Variants in GGA2 observed in about 807,000 individuals in gnomAD.
The protein encoded by GGA2 is golgi associated, gamma adaptin ear containing, ARF binding protein 2.
In GGA2, 48 loss-of-function variants were observed where a neutral mutation model predicts 79.5. That is an observed-to-expected ratio of 0.60 (90% CI 0.48 to 0.77). The LOEUF (loss-of-function observed/expected upper bound fraction) is 0.77, where lower values mean the gene tolerates loss of function less well. Ranked by LOEUF, GGA2 falls within the 30% of genes least tolerant of loss-of-function variation. The pLI is 0.00. For missense variants in GGA2, 770 were observed against 774.0 expected, an observed-to-expected ratio of 0.99 and a Z score of 0.06; for synonymous variants, 317 against 302.0, an observed-to-expected ratio of 1.05 and a Z score of -0.51.
intron 1 of GGA2, among the ~76,000 whole-genome samples, chr16:23,499,116 G>C (rs1362724311): frequency 1.3e-5 from 2 of 149,516 alleles, no homozygotes; most frequent in Non-Finnish European, 3.0e-5. Flanking sequence ...GCTGCCAAGT[G>C]AAAGAGACAC....
At chr16:23,469,415 G>T in intron 15 of GGA2, 1 of 171,176 alleles carries the variant, frequency 5.8e-6, no homozygotes, top group East Asian at 1.4e-4. Flanking sequence ...AGAGACTGCA[G>T]GTCATATTTT....
chr16:23,471,501 GTAACA>G (rs2142113650), intron 14 of GGA2, among the ~76,000 whole-genome samples: 1 of 152,140 alleles, frequency 6.6e-6, no homozygotes, highest in South Asian at 2.1e-4. Flanking sequence ...AAATGAGACT[GTAACA>G]TAACATATCC....
upstream of GGA2, chr16:23,510,560 C>CT (rs1555501351): frequency 1.6e-4 from 63 of 389,498 alleles, no homozygotes; most frequent in African/African-American, 9.4e-4. Context: ...CAGGCCCCCC[C>CT]TCCACGCGGG....
chr16:23,508,318 A>G (rs1161746794), intron 1 of GGA2, among the ~76,000 whole-genome samples: 1 of 152,070 alleles, frequency 6.6e-6, no homozygotes, highest in Non-Finnish European at 1.5e-5. Context: ...GGCCCACCTC[A>G]GCCTCCCAAA....
intron 11 of GGA2, 91 bp from the exon 12 acceptor site, chr16:23,479,002 C>T (rs1019748314): frequency 2.2e-6 from 2 of 916,396 alleles, no homozygotes; most frequent in Non-Finnish European, 3.6e-6. Flanking sequence ...TCTAGGACAT[C>T]CAGAAAGTCT....
intron 1 of GGA2, among the ~76,000 whole-genome samples, chr16:23,504,561 C>A (rs373267126): frequency 9.2e-5 from 14 of 152,306 alleles, no homozygotes; most frequent in African/African-American, 3.4e-4. Context: ...CCAGCCTGCA[C>A]AAACTATTTC....
Position 23,468,869 on chromosome 16 carries a change from C to T in GGA2, c.1731+17G>A. ...AGGGGCCCCCATCTCCCTGCTACCA[C>T]AGACACTGGAACATACTTTGTGTGG... On this transcript the variant is annotated intron_variant, in intron 16 of 16. Transcript: ENST00000309859. 2.0e-6 allele frequency: 3 copies of T among 1,512,464 alleles called. No individual in the cohort carries two copies. Among genetic ancestry groups the T allele is most frequent in the South Asian group, 2.2e-5 (2 of 89,098 alleles). The allele number at this position is 1,512,464 out of a possible 1,614,324, so 93.7% of individuals were successfully genotyped here.
At chr16:23,520,001 C>G (rs1307197925) in intron 1 of GGA2, among the ~76,000 whole-genome samples, 1 of 152,062 alleles carries the variant, frequency 6.6e-6, no homozygotes, top group East Asian at 1.9e-4. Context: ...AATCCCAGCC[C>G]TTTGGGAGGC....
chr16:23,468,274 T>G (rs549496819), intron 16 of GGA2, among the ~76,000 whole-genome samples: 49 of 151,782 alleles, frequency 3.2e-4, no homozygotes, highest in African/African-American at 1.1e-3. Flanking sequence ...GCCTCTTGGG[T>G]TCAAGCAATT....
At position 23,469,068 on chromosome 16, in the gene GGA2, G is replaced by A. The variant is rs1010252818; in HGVS notation, c.1621-72C>T. 3.1e-5 allele frequency: 30 copies of A among 967,254 alleles called. No individual in the cohort carries two copies. The South Asian group carries it at 3.7e-4, about 12-fold the overall frequency. 59.9% of individuals were successfully genotyped at this position (967,254 alleles called of 1,614,324 possible). On this transcript the variant is annotated intron_variant, in intron 15 of 16. Transcript: ENST00000309859. Reference sequence around the variant, plus strand: ...TTCTAGGATGGAGATCAGGTGAGGGGGAGCTGGACCTCCCCAACACCCCTC... The same window carrying A: ...TTCTAGGATGGAGATCAGGTGAGGGAGAGCTGGACCTCCCCAACACCCCTC...
chr16:23,491,220 T>C (rs1567365504), intron 5 of GGA2, among the ~76,000 whole-genome samples: 3 of 139,086 alleles, frequency 2.2e-5, no homozygotes, highest in Non-Finnish European at 3.0e-5. Flanking sequence ...GGCAGGAAAA[T>C]GGCTGGAGTC....
chr16:23,479,627 A>G, intron 11 of GGA2, 138 bp downstream of exon 11: 1 of 998,200 alleles, frequency 1.0e-6, no homozygotes, highest in Admixed American at 2.2e-5. Context: ...ACGTGCTCCC[A>G]GAGGGAACCA....
intron 16 of GGA2, 35 bp downstream of exon 16, chr16:23,468,851 C>T (rs1964474052): frequency 1.5e-6 from 2 of 1,327,520 alleles, no homozygotes; most frequent in Non-Finnish European, 2.2e-6. Flanking sequence ...TTCAGGGGCC[C>T]CCATCTCCCT....
chr16:23,472,469 A>G (rs1382746437), intron 14 of GGA2, among the ~76,000 whole-genome samples: 1 of 151,322 alleles, frequency 6.6e-6, no homozygotes, highest in Non-Finnish European at 1.5e-5. Flanking sequence ...ACGTGCTGGG[A>G]TTACAGGCAT....
At chr16:23,509,874 C>T (rs1175405747) in intron 1 of GGA2, among the ~76,000 whole-genome samples, 1 of 151,664 alleles carries the variant, frequency 6.6e-6, no homozygotes, top group Non-Finnish European at 1.5e-5. Flanking sequence ...TTTCTCAGCC[C>T]CAAACAGACT....
chr16:23,496,126 C>A (rs934991187), intron 1 of GGA2, among the ~76,000 whole-genome samples: 2 of 151,732 alleles, frequency 1.3e-5, no homozygotes, highest in Non-Finnish European at 2.9e-5. Context: ...CATGATGAAA[C>A]CCCATCTCTA....
At chr16:23,494,480 G>A (rs753966165) in intron 2 of GGA2, 102 bp from the exon 3 acceptor site, 6 of 827,392 alleles carry the variant, frequency 7.3e-6, no homozygotes, top group Admixed American at 1.9e-5. Context: ...AGGGGCTGGT[G>A]TCCAAAAGCA....
chr16:23,491,930 T>A (rs1338829541), intron 4 of GGA2, 130 bp from the exon 5 acceptor site: 1 of 584,278 alleles, frequency 1.7e-6, no homozygotes, highest in Non-Finnish European at 3.0e-6. Context: ...GAGGAGAGAC[T>A]AGAGGCCACA....
rs145829723 is a variant in GGA2, at chr16:23,495,636, C to T, written c.176+58G>A. 252 of 959,936 alleles carry T rather than the reference C, an allele frequency of 2.6e-4. 1 individual carries two copies. The East Asian group carries it at 6.0e-3, about 23-fold the overall frequency. The allele number at this position is 959,936 out of a possible 1,614,324, so 59.5% of individuals were successfully genotyped here. ...CTAAAACAGTCTTGAGAGACAAAGG[C>T]CTACACTCAGTGTGGGGTGCCCCCA... On this transcript the variant is annotated intron_variant, in intron 2 of 16. Transcript: ENST00000309859.
Sources: allele counts gnomAD v4.1 joint callset (sites outside exome capture counted in the v4.1 genomes callset), GRCh38; gene constraint gnomAD v4.1.1; transcripts MANE v1.5; gene names NCBI Gene and HGNC (gene_info 2026-07-23, HGNC 2026-07-21).